The following MED25 variants were observed in gnomAD, a reference collection of about 807,000 sequenced individuals.
MED25 encodes mediator complex subunit 25.
MED25 carries 62 observed loss-of-function variants against 89.4 expected under a neutral mutation model. That is an observed-to-expected ratio of 0.69 (90% CI 0.57 to 0.86). MED25 has a LOEUF of 0.86. Among genes scored for constraint, MED25 ranks in the 40% least tolerant of loss-of-function variants. The pLI is 0.00. For missense variants in MED25, 905 were observed against 1,005.2 expected, an observed-to-expected ratio of 0.90 and a Z score of 1.35; for synonymous variants, 449 against 427.9, an observed-to-expected ratio of 1.05 and a Z score of -0.61.
chr19:49,819,328 G>C (rs767754463), intron 3 of MED25, 32 bp downstream of exon 3: 4 of 1,610,250 alleles, frequency 2.5e-6, no homozygotes, highest in Middle Eastern at 1.7e-4. Context: ...GTGGGTTGCT[G>C]GTCCCTGTGA....
At chr19:49,823,379 G>A (rs540066179) in intron 3 of MED25, among the ~76,000 whole-genome samples, 38 of 152,256 alleles carry the variant, frequency 2.5e-4, no homozygotes, top group Admixed American at 1.1e-3. Context: ...ATTGGGGGCT[G>A]GGTACCGCAA....
intron 13 of MED25, chr19:49,833,039 T>C (rs568450620): frequency 6.3e-6 from 1 of 157,624 alleles, no homozygotes; most frequent in Admixed American, 6.0e-5. Context: ...CTTACTACAA[T>C]TGCAAAGACC....
chr19:49,828,459 G>A lies in MED25; in HGVS notation c.316G>A (p.Gly106Arg), dbSNP rs535472885. The A allele has an allele frequency of 9.3e-6, 15 of 1,613,190 alleles. No homozygotes were observed. Among genetic ancestry groups the A allele is most frequent in the East Asian group, 2.2e-5 (1 of 44,872 alleles). Residue 106 changes from glycine to arginine, a missense_variant, in exon 4 of 18, where the codon GGG becomes AGG. This residue lies in a region of MED25 where 501 missense variants were observed against 526.9 expected (regional missense o/e 0.95). Transcript: ENST00000312865. ...GCTCTGCCCCTGCAGGTTCATGGGC[G>A]GGGGTGGTGAGAGCTGCAGCCTCAT... ...TWLDGIKFMGGGGESCSLIAE... is the reference protein window; with the variant it reads ...TWLDGIKFMGRGGESCSLIAE...
Position 49,829,109 on chromosome 19 carries a change from G to A in MED25, c.525+19G>A, listed in dbSNP as rs1420800981. The A allele has an allele frequency of 6.2e-7, 1 of 1,609,250 alleles. No individual in the cohort carries two copies. Among genetic ancestry groups the A allele is most frequent in the South Asian group, 1.1e-5 (1 of 90,642 alleles). On this transcript the variant is annotated intron_variant, in intron 5 of 17. Coordinates refer to ENST00000312865, the MANE Select transcript of MED25 (RefSeq NM_030973.4). This position sits in a 1 kb window ranked among gnomAD's most constrained non-coding sequence, Gnocchi z 4.6. Reference sequence around the variant, plus strand: ...TGGGGAGGTGAGGACTCCAGGGTCTGAGGGACGAGGGTCTGGGGGCCCGGA... The same window carrying A: ...TGGGGAGGTGAGGACTCCAGGGTCTAAGGGACGAGGGTCTGGGGGCCCGGA...
chr19:49,830,417 TCATGGGGC>T lies in MED25; in HGVS notation c.820-87_820-80del. On this transcript the variant is annotated intron_variant, in intron 7 of 17. Coordinates refer to ENST00000312865, the MANE Select transcript of MED25 (RefSeq NM_030973.4). This position sits in a 1 kb window ranked among gnomAD's most constrained non-coding sequence, Gnocchi z 4.6. ...GAGCTAAGCTATCCCAGCTGGTGCCTCATGGGGCCATGGGTGGTGTGACCTCGTGGGAT... is the reference window on the plus strand; with the variant it reads ...GAGCTAAGCTATCCCAGCTGGTGCCTCATGGGTGGTGTGACCTCGTGGGAT... 2 of 1,342,776 alleles carry T rather than the reference TCATGGGGC, an allele frequency of 1.5e-6. No individual in the cohort carries two copies. The highest frequency in any genetic ancestry group is 2.9e-5 in the African/African-American group (2 of 69,714). 83.2% of individuals were successfully genotyped at this position (1,342,776 alleles called of 1,614,324 possible). A position where few individuals can be genotyped will look rare whatever the true frequency, so the allele number is the denominator to read the frequency against.
At chr19:49,819,328 G>T (rs767754463) in intron 3 of MED25, 32 bp downstream of exon 3, 1 of 1,610,246 alleles carries the variant, frequency 6.2e-7, no homozygotes, top group South Asian at 1.1e-5. Context: ...GTGGGTTGCT[G>T]GTCCCTGTGA....
chr19:49,834,906 A>C lies in MED25; in HGVS notation c.1483-80A>C. The C allele has an allele frequency of 1.4e-6, 2 of 1,473,412 alleles. No individual in the cohort carries two copies. Among genetic ancestry groups the C allele is most frequent in the Non-Finnish European group, 1.9e-6 (2 of 1,057,098 alleles). The allele number at this position is 1,473,412 out of a possible 1,614,324, so 91.3% of individuals were successfully genotyped here. ...ACCTCACCTTGCCTGTGGGGCCTCT[A>C]GAGCCTTCTGGAATGGGGAGGGGGT... On this transcript the variant is annotated intron_variant, in intron 13 of 17. Transcript: ENST00000312865. This position sits in a 1 kb window ranked among gnomAD's most constrained non-coding sequence, Gnocchi z 4.1.
intron 3 of MED25, among the ~76,000 whole-genome samples, chr19:49,822,184 A>G (rs1189304195): frequency 6.7e-6 from 1 of 148,712 alleles, no homozygotes; most frequent in Non-Finnish European, 1.5e-5. Flanking sequence ...AATGGCGTGA[A>G]CCCAGGAGGC....
At position 49,835,374 on chromosome 19, in the gene MED25, C is replaced by T. The variant is rs2074088006; in HGVS notation, c.1675-160C>T. ...ATCAAAGCCCTGACACAGCTTCCTC[C>T]TGGAGACCTTGGAGTGTACGGCATC... On this transcript the variant is annotated intron_variant, in intron 14 of 17. Transcript: ENST00000312865. This position sits in a 1 kb window ranked among gnomAD's most constrained non-coding sequence, Gnocchi z 6.2. 6.6e-6 allele frequency among the ~76,000 whole-genome samples: 1 copy of T among 152,184 alleles called. No individual in the cohort carries two copies. The highest frequency in any genetic ancestry group is 1.5e-5 in the Non-Finnish European group (1 of 68,020).
rs1223073957 is a variant in MED25, at chr19:49,835,896, AC to A, written c.1919del (p.Pro640LeufsTer81). ...PPPGPILRPQ[N>X]PGANPQLRSL... ...CCTGGACCCATCCTTCGGCCCCAGA[AC>A]CCTGGGGCCAACCCTCAGCTGCGAA... On this transcript the variant is annotated frameshift_variant, in exon 16 of 18. Transcript: ENST00000312865. LOFTEE classifies it high-confidence loss of function. This position sits in a 1 kb window ranked among gnomAD's most constrained non-coding sequence, Gnocchi z 6.2. 9 of 1,612,172 alleles carry A rather than the reference AC, an allele frequency of 5.6e-6. No individual in the cohort carries two copies. Among genetic ancestry groups the A allele is most frequent in the Admixed American group, 5.0e-5 (3 of 59,992 alleles).
intron 4 of MED25, 71 bp downstream of exon 4, chr19:49,828,618 T>G (rs2074031614): frequency 8.0e-7 from 1 of 1,257,118 alleles, no homozygotes; most frequent in Admixed American, 1.7e-5. Flanking sequence ...GCCTGTCGAG[T>G]GGTTCTACCT....
At chr19:49,833,118 T>C (rs2074071059) in intron 13 of MED25, 1 of 153,478 alleles carries the variant, frequency 6.5e-6, no homozygotes, top group African/African-American at 2.4e-5. Context: ...TCTGGTTTTG[T>C]TTTTTGAGAC....
At chr19:49,838,791 C>T (rs1198923997), downstream of MED25, 1 of 450,990 alleles carries the variant, frequency 2.2e-6, no homozygotes. Context: ...ATGCCATCCT[C>T]AACGAACTGA....
rs2073987384 is a variant in MED25 at position 49,822,204 on chromosome 19, AGT to A, written c.305+2910_305+2911del. ...CGTGAACCCAGGAGGCGGAGTTTGC[AGT>A]GAGCCAAGATTGCACCACTGCACTC... On this transcript the variant is annotated intron_variant, in intron 3 of 17. Transcript: ENST00000312865. Among the ~76,000 whole-genome samples the A allele has an allele frequency of 1.4e-5, 2 of 145,848 alleles. 1 individual carries two copies. Among genetic ancestry groups the A allele is most frequent in the African/African-American group, 5.1e-5 (2 of 39,076 alleles).
Position 49,829,707 on chromosome 19 carries a change from C to A in MED25, c.526-79C>A. 2.1e-6 allele frequency: 3 copies of A among 1,431,962 alleles called. No individual in the cohort carries two copies. In the East Asian group the frequency reaches 7.5e-5, roughly 36 times the overall value. The allele number at this position is 1,431,962 out of a possible 1,614,324, so 88.7% of individuals were successfully genotyped here. On this transcript the variant is annotated intron_variant, in intron 5 of 17. Transcript: ENST00000312865. This position sits in a 1 kb window ranked among gnomAD's most constrained non-coding sequence, Gnocchi z 4.6. ...GGGCTGGTGCCGTCCAGCCACACAG[C>A]AGTTGTGGTAGGTTGGGGGCCGGCC...
At chr19:49,832,514 G>A (rs568387457) in intron 13 of MED25, 99 bp downstream of exon 13, 26 of 749,506 alleles carry the variant, frequency 3.5e-5, no homozygotes, top group South Asian at 1.5e-4. Flanking sequence ...CACGGAAGCC[G>A]TTTTTGATGG....
In MED25 at chr19:49,828,958, C is replaced by T; in HGVS notation, c.405-12C>T. The T allele has an allele frequency of 6.2e-7, 1 of 1,613,990 alleles. No homozygotes were observed. Among genetic ancestry groups the T allele is most frequent in the Non-Finnish European group, 8.5e-7 (1 of 1,179,976 alleles). Reference sequence around the variant, plus strand: ...TTGCTGCTGGCTCCATGTCTTCTCTCTTTCCTGGTAGTGGCCAGACGCACC... The same window carrying T: ...TTGCTGCTGGCTCCATGTCTTCTCTTTTTCCTGGTAGTGGCCAGACGCACC... On this transcript the variant is annotated splice_polypyrimidine_tract_variant and intron_variant, in intron 4 of 17. Transcript: ENST00000312865.
In MED25 at chr19:49,831,215, G is replaced by A; in HGVS notation, c.1102-118G>A. ...CCTGCGGCTGGCCAAGTGCTGTTCT[G>A]GGGATGGAGGGGCAGAAGAAGGGAT... On this transcript the variant is annotated intron_variant, in intron 9 of 17. Coordinates refer to ENST00000312865, the MANE Select transcript of MED25 (RefSeq NM_030973.4). The surrounding 1 kb of genome is among the most constrained non-coding windows in gnomAD (Gnocchi z 5.0). 2.6e-6 allele frequency: 3 copies of A among 1,161,752 alleles called. No homozygotes were observed. Among genetic ancestry groups the A allele is most frequent in the Admixed American group, 4.4e-5 (2 of 45,788 alleles). 72.0% of individuals were successfully genotyped at this position (1,161,752 alleles called of 1,614,324 possible). A position where few individuals can be genotyped will look rare whatever the true frequency, so the allele number is the denominator to read the frequency against.
At chr19:49,822,080 G>A (rs1307950135) in intron 3 of MED25, among the ~76,000 whole-genome samples, 10 of 151,354 alleles carry the variant, frequency 6.6e-5, no homozygotes, top group South Asian at 2.1e-4. Flanking sequence ...TGGCTAACAC[G>A]GTGAAACCCC....
Sources: gnomAD v4.1 joint callset for allele counts (sites outside exome capture counted in the v4.1 genomes callset) on GRCh38, gnomAD v4.1.1 for gene constraint, gnomAD v4.1.1 regional missense constraint, Gnocchi (gnomAD v3.1) non-coding constraint, MANE v1.5 for transcripts, NCBI Gene and HGNC (gene_info 2026-07-23, HGNC 2026-07-21) for gene names.